Variants in TNS3 observed in about 807,000 individuals in gnomAD.
The protein encoded by TNS3 is tensin-3.
Under a neutral mutation model 140.9 loss-of-function variants are expected in TNS3, and 45 were observed. The ratio of observed to expected loss-of-function variants is 0.32; its 90% CI spans 0.25 to 0.41. TNS3 has a LOEUF of 0.41. TNS3 is among the 10% of genes least tolerant of loss of function. The pLI, the probability that TNS3 is intolerant of heterozygous loss-of-function variation, is 1.00. For synonymous variants in TNS3, 815 were observed against 788.4 expected, an observed-to-expected ratio of 1.03 and a Z score of -0.56; for missense variants, 1,716 against 1,906.7, an observed-to-expected ratio of 0.90 and a Z score of 1.86.
intron 20 of TNS3, among the ~76,000 whole-genome samples, chr7:47,340,106 TA>T (rs1562610173): frequency 4.4e-4 from 18 of 40,712 alleles, no homozygotes; most frequent in African/African-American, 1.1e-3. Context: ...TATATATATA[TA>T]TATATATATT....
intron 1 of TNS3, among the ~76,000 whole-genome samples, chr7:47,540,122 G>A (rs965583400): frequency 1.3e-5 from 2 of 152,170 alleles, no homozygotes; most frequent in Non-Finnish European, 2.9e-5. Flanking sequence ...TCGCCAGGTT[G>A]TCTCACCCTA....
intron 25 of TNS3, 76 bp from the exon 26 acceptor site, chr7:47,292,981 G>A (rs1785796578): frequency 7.8e-7 from 1 of 1,284,730 alleles, no homozygotes; most frequent in Non-Finnish European, 1.1e-6. Context: ...TTATCAGCTG[G>A]AATGAAACGG....
rs145921256 is a variant in TNS3 at position 47,523,707 on chromosome 7, TCTC to T, written c.-153+5326_-153+5328del. Among the ~76,000 whole-genome samples, 936 of 152,266 alleles carry T rather than the reference TCTC, an allele frequency of 6.1e-3. 7 individuals are homozygous for T. The highest frequency in any genetic ancestry group is 0.021 in the African/African-American group (875 of 41,530). On this transcript the variant is annotated intron_variant, in intron 2 of 30. Transcript: ENST00000311160. ...TCATCTGGGCCAGTTCCTGGTTCCT[TCTC>T]CTGATAATGGACCTCCTGCCATGAA...
chr7:47,389,038 A>G (rs370339455), intron 16 of TNS3, among the ~76,000 whole-genome samples: 1,032 of 21,922 alleles, frequency 0.047, 161 homozygotes, highest in East Asian at 0.12. Flanking sequence ...AAGAAGAAGA[A>G]GAAGAAGAAG....
intron 17 of TNS3, among the ~76,000 whole-genome samples, chr7:47,356,687 C>T (rs1387623681): frequency 6.6e-6 from 1 of 152,148 alleles, no homozygotes; most frequent in Admixed American, 6.5e-5. Context: ...ATTGGTTTGA[C>T]TGTAGTGATC....
At chr7:47,570,668 C>T (rs1160631452) in intron 1 of TNS3, among the ~76,000 whole-genome samples, 2 of 152,204 alleles carry the variant, frequency 1.3e-5, no homozygotes, top group African/African-American at 2.4e-5. Context: ...GTAACTATCC[C>T]CTCCCATAGT....
chr7:47,575,659 CA>C (rs1800657027), intron 1 of TNS3, among the ~76,000 whole-genome samples: 1 of 151,740 alleles, frequency 6.6e-6, no homozygotes, highest in Admixed American at 6.6e-5. Flanking sequence ...ACTAAAAATA[CA>C]AAAAATTAGC....
At chr7:47,538,938 T>C in intron 1 of TNS3, 1 of 438,930 alleles carries the variant, frequency 2.3e-6, no homozygotes, top group Non-Finnish European at 4.7e-6. Flanking sequence ...TCGTATTCAT[T>C]CCAGATTGCT....
At chr7:47,516,261 G>A (rs1041379372) in intron 2 of TNS3, among the ~76,000 whole-genome samples, 7 of 152,142 alleles carry the variant, frequency 4.6e-5, no homozygotes, top group Non-Finnish European at 8.8e-5. Flanking sequence ...TAAAGATCAC[G>A]GCACTGAGGA....
chr7:47,429,353 T>A (rs1371525083), intron 8 of TNS3, among the ~76,000 whole-genome samples: 2 of 149,352 alleles, frequency 1.3e-5, no homozygotes. Flanking sequence ...GACTGAAAAG[T>A]GTAAAATACA....
intron 3 of TNS3, among the ~76,000 whole-genome samples, chr7:47,487,183 C>T (rs1797643065): frequency 6.6e-6 from 1 of 152,088 alleles, no homozygotes; most frequent in African/African-American, 2.4e-5. Context: ...CCTGTAATCC[C>T]AGCTACTCAG....
intron 1 of TNS3, among the ~76,000 whole-genome samples, chr7:47,549,232 C>T (rs549768498): frequency 6.6e-6 from 1 of 152,274 alleles, no homozygotes; most frequent in Non-Finnish European, 1.5e-5. Context: ...GTGGTTCACA[C>T]CTGTAATCCC....
intron 1 of TNS3, among the ~76,000 whole-genome samples, chr7:47,538,827 C>T (rs1335658830): frequency 6.6e-6 from 1 of 152,154 alleles, no homozygotes; most frequent in Non-Finnish European, 1.5e-5. Context: ...TTTCTATATT[C>T]ATTCCTTCAT....
At chr7:47,365,620 C>T (rs879923689) in intron 17 of TNS3, among the ~76,000 whole-genome samples, 102 of 151,878 alleles carry the variant, frequency 6.7e-4, no homozygotes, top group African/African-American at 2.5e-3. Context: ...AAAAATTAGC[C>T]GGGCGTGATG....
chr7:47,544,167 G>A (rs375628214), intron 1 of TNS3, among the ~76,000 whole-genome samples: 13 of 151,566 alleles, frequency 8.6e-5, no homozygotes, highest in East Asian at 1.9e-4. Flanking sequence ...GTAGGATCTC[G>A]CCCCCTTCCC....
intron 1 of TNS3, among the ~76,000 whole-genome samples, chr7:47,548,400 C>T (rs1799978438): frequency 6.6e-6 from 1 of 152,180 alleles, no homozygotes; most frequent in Non-Finnish European, 1.5e-5. Context: ...CTGCCCCTTA[C>T]CCCAAGGTTC....
intron 16 of TNS3, among the ~76,000 whole-genome samples, chr7:47,382,141 T>C (rs1394291410): frequency 6.6e-6 from 1 of 152,222 alleles, no homozygotes; most frequent in Non-Finnish European, 1.5e-5. Context: ...GGTACCTTTA[T>C]CCATTTCTAA....
At chr7:47,290,805 C>G (rs1028123783) in intron 27 of TNS3, among the ~76,000 whole-genome samples, 40 of 152,188 alleles carry the variant, frequency 2.6e-4, no homozygotes, top group African/African-American at 9.4e-4. Flanking sequence ...ACACTCTTAC[C>G]ATACAATCCA....
At chr7:47,436,595 A>C (rs1178363933) in intron 7 of TNS3, among the ~76,000 whole-genome samples, 2 of 152,208 alleles carry the variant, frequency 1.3e-5, no homozygotes, top group African/African-American at 4.8e-5. Flanking sequence ...ACTTAAAGTA[A>C]AATTTGAAAA....
Sources: allele counts gnomAD v4.1 joint callset (sites outside exome capture counted in the v4.1 genomes callset), GRCh38; gene constraint gnomAD v4.1.1; transcripts MANE v1.5; gene names NCBI Gene and HGNC (gene_info 2026-07-23, HGNC 2026-07-21).